Variants in CSMD1 observed in about 807,000 individuals in gnomAD.
The protein encoded by CSMD1 is CUB and Sushi multiple domains 1, also known as CUB and sushi domain-containing protein 1.
Under a neutral mutation model 417.5 loss-of-function variants are expected in CSMD1, and 213 were observed. The ratio of observed to expected loss-of-function variants is 0.51; its 90% CI spans 0.46 to 0.57. The LOEUF (loss-of-function observed/expected upper bound fraction) is 0.57. CSMD1 is among the 20% of genes least tolerant of loss of function. The probability of loss-of-function intolerance (pLI) is 0.00; values close to 1 mark genes in which losing one functional copy is unlikely to be tolerated. For synonymous variants in CSMD1, 2,862 were observed against 1,736.8 expected (o/e 1.65, Z -16.11); for missense variants, 6,923 against 4,529.7 (o/e 1.53, Z -15.17).
At chr8:4,312,833 C>G (rs1421290746) in intron 3 of CSMD1, among the ~76,000 whole-genome samples, 1 of 152,072 alleles carries the variant, frequency 6.6e-6, no homozygotes, top group African/African-American at 2.4e-5. Flanking sequence ...GAGATCGCGC[C>G]AGGCAAGGCG....
At chr8:3,864,972 G>A (rs1006092608) in intron 5 of CSMD1, among the ~76,000 whole-genome samples, 1 of 152,162 alleles carries the variant, frequency 6.6e-6, no homozygotes, top group Non-Finnish European at 1.5e-5. Flanking sequence ...TCCAGTTTTG[G>A]CAGCATGACA....
intron 3 of CSMD1, among the ~76,000 whole-genome samples, chr8:4,192,514 T>C (rs373171954): frequency 2.0e-5 from 3 of 151,344 alleles, no homozygotes; most frequent in African/African-American, 7.4e-5. Flanking sequence ...TTTAAGACAA[T>C]ACCCCCTGAC....
At chr8:3,876,818 C>T (rs1007297636) in intron 5 of CSMD1, among the ~76,000 whole-genome samples, 8 of 152,292 alleles carry the variant, frequency 5.3e-5, no homozygotes, top group Non-Finnish European at 1.2e-4. Flanking sequence ...CACCATGTTG[C>T]CCAAGGTGGT....
chr8:4,496,361 G>T (rs537650036), intron 2 of CSMD1, among the ~76,000 whole-genome samples: 1 of 152,140 alleles, frequency 6.6e-6, no homozygotes, highest in East Asian at 1.9e-4. Flanking sequence ...GATCAGCAGC[G>T]CAGGAGTCCA....
chr8:4,464,224 C>T (rs888841605), intron 2 of CSMD1, among the ~76,000 whole-genome samples: 2 of 152,170 alleles, frequency 1.3e-5, no homozygotes, highest in African/African-American at 4.8e-5. Flanking sequence ...GATTTCACTG[C>T]CTCTTAACAT....
At chr8:4,415,854 C>T (rs1193811306) in intron 3 of CSMD1, among the ~76,000 whole-genome samples, 2 of 152,070 alleles carry the variant, frequency 1.3e-5, no homozygotes, top group African/African-American at 4.8e-5. Context: ...CGTAAATAAA[C>T]GTAATATATA....
chr8:3,857,048 G>A (rs896276844), intron 5 of CSMD1, among the ~76,000 whole-genome samples: 1 of 151,954 alleles, frequency 6.6e-6, no homozygotes, highest in African/African-American at 2.4e-5. Context: ...AGGGCTTCTT[G>A]TATATCCCAC....
chr8:4,915,128 C>T (rs1203726874), intron 1 of CSMD1, among the ~76,000 whole-genome samples: 7 of 151,542 alleles, frequency 4.6e-5, no homozygotes, highest in Admixed American at 3.3e-4. Context: ...CTGTGGTTGC[C>T]GAACGAAGAA....
chr8:4,057,949 G>C (rs971044748), intron 3 of CSMD1, among the ~76,000 whole-genome samples: 2 of 150,840 alleles, frequency 1.3e-5, no homozygotes, highest in African/African-American at 2.4e-5. Context: ...TTGTAGCATA[G>C]TTTGAAGTCA....
At chr8:4,365,387 G>A (rs1279803370) in intron 3 of CSMD1, among the ~76,000 whole-genome samples, 2 of 152,044 alleles carry the variant, frequency 1.3e-5, no homozygotes, top group African/African-American at 4.8e-5. Flanking sequence ...TGTATTTTAG[G>A]TGTTCTTTTT....
chr8:3,168,559 A>G (rs900599734), intron 37 of CSMD1, among the ~76,000 whole-genome samples: 1 of 152,148 alleles, frequency 6.6e-6, no homozygotes, highest in Non-Finnish European at 1.5e-5. Context: ...CCATGATTAT[A>G]GACAGCTATA....
At chr8:3,196,137 T>C (rs1796690688) in intron 33 of CSMD1, among the ~76,000 whole-genome samples, 1 of 152,172 alleles carries the variant, frequency 6.6e-6, no homozygotes, top group Non-Finnish European at 1.5e-5. Context: ...TCATTCCCAC[T>C]GCTCATTATA....
intron 3 of CSMD1, among the ~76,000 whole-genome samples, chr8:4,217,129 T>A (rs898433530): frequency 6.6e-6 from 1 of 152,192 alleles, no homozygotes; most frequent in Non-Finnish European, 1.5e-5. Flanking sequence ...CTAGTCTACA[T>A]AGTACTTTGT....
chr8:4,142,202 C>T (rs1486004535), intron 3 of CSMD1, among the ~76,000 whole-genome samples: 3 of 151,074 alleles, frequency 2.0e-5, no homozygotes, highest in Admixed American at 2.0e-4. Flanking sequence ...CAGATTAAAA[C>T]ATTTTTTATA....
At chr8:3,568,826 G>C (rs1433357154) in intron 10 of CSMD1, among the ~76,000 whole-genome samples, 3 of 151,956 alleles carry the variant, frequency 2.0e-5, no homozygotes, top group African/African-American at 4.8e-5. Context: ...TTCCAATGAA[G>C]ACCCTGGGGA....
intron 5 of CSMD1, among the ~76,000 whole-genome samples, chr8:3,901,187 T>A (rs1236148817): frequency 6.6e-6 from 1 of 152,178 alleles, no homozygotes; most frequent in East Asian, 1.9e-4. Flanking sequence ...AGCAGAGAAT[T>A]TATTGATCAT....
At chr8:3,563,782 G>T (rs35959726) in intron 10 of CSMD1, among the ~76,000 whole-genome samples, 54,552 of 151,614 alleles carry the variant, frequency 0.36, 10,042 homozygotes, top group African/African-American at 0.44. Flanking sequence ...ACAGCTACTC[G>T]GGAGGCTGAA....
At chr8:4,743,417 GC>G (rs1810748512) in intron 1 of CSMD1, among the ~76,000 whole-genome samples, 1 of 152,072 alleles carries the variant, frequency 6.6e-6, no homozygotes, top group South Asian at 2.1e-4. Flanking sequence ...TATCTTCAAA[GC>G]AAAAAATGAA....
intron 12 of CSMD1, among the ~76,000 whole-genome samples, chr8:3,437,294 T>A (rs1389562362): frequency 3.3e-5 from 5 of 152,142 alleles, no homozygotes; most frequent in African/African-American, 1.2e-4. Context: ...ACGGAGCGGC[T>A]CTCAACACGT....
Sources: gnomAD v4.1 joint callset for allele counts (sites outside exome capture counted in the v4.1 genomes callset) on GRCh38, gnomAD v4.1.1 for gene constraint, MANE v1.5 for transcripts, NCBI Gene and HGNC (gene_info 2026-07-23, HGNC 2026-07-21) for gene names.